The following ABCC8 variants were observed in gnomAD, a reference collection of about 807,000 sequenced individuals.
The protein encoded by ABCC8 is ATP-binding cassette sub-family C member 8.
Under a neutral mutation model 188.0 loss-of-function variants are expected in ABCC8, and 137 were observed. The ratio of observed to expected loss-of-function variants is 0.73; its 90% CI spans 0.63 to 0.84. The LOEUF (loss-of-function observed/expected upper bound fraction) is 0.84. Ranked by LOEUF, ABCC8 falls within the 40% of genes least tolerant of loss-of-function variation. The pLI is 0.00. For synonymous variants in ABCC8, 797 were observed against 846.5 expected, an observed-to-expected ratio of 0.94 and a Z score of 1.01; for missense variants, 1,750 against 2,072.7, an observed-to-expected ratio of 0.84 and a Z score of 3.02.
At chr11:17,400,155 C>A (rs551846067) in intron 29 of ABCC8, among the ~76,000 whole-genome samples, 1 of 152,136 alleles carries the variant, frequency 6.6e-6, no homozygotes, top group African/African-American at 2.4e-5. Flanking sequence ...ATTGTCTCTG[C>A]GTGGAGAGAG....
intron 36 of ABCC8, 104 bp from the exon 37 acceptor site, chr11:17,394,503 G>A: frequency 6.4e-7 from 1 of 1,571,832 alleles, no homozygotes. Flanking sequence ...GTGCATGGGG[G>A]CAAATAGGTG....
rs761070291 is a variant in ABCC8 at position 17,427,133 on chromosome 11, C to A, written c.2138G>T (p.Gly713Val). ...CGAGGACTTGCCGCAGCCCACCTGC[C>A]CCACGATCATAGTCAGCTGGCCTGC... ...IPRGQLTMIV[G>V]QVGCGKSSLL... The change falls in exon 16 of 39, where the codon GGG becomes GTG. Residue 713 changes from glycine to valine, a missense_variant. Coordinates refer to ENST00000389817, the MANE Select transcript of ABCC8 (RefSeq NM_000352.6). The surrounding 1 kb of genome is among the most constrained non-coding windows in gnomAD (Gnocchi z 5.0). The A allele has an allele frequency of 1.2e-6, 2 of 1,613,418 alleles. No homozygotes were observed. Among genetic ancestry groups the A allele is most frequent in the Non-Finnish European group, 1.7e-6 (2 of 1,179,736 alleles).
chr11:17,459,555 A>C (rs1403058481), intron 6 of ABCC8, among the ~76,000 whole-genome samples: 1 of 152,222 alleles, frequency 6.6e-6, no homozygotes, highest in African/African-American at 2.4e-5. Context: ...AATGTTACGC[A>C]AAGGGTGTCA....
At chr11:17,458,465 AC>A (rs1957073860) in intron 6 of ABCC8, among the ~76,000 whole-genome samples, 1 of 152,266 alleles carries the variant, frequency 6.6e-6, no homozygotes, top group Non-Finnish European at 1.5e-5. Flanking sequence ...TTTGGGAAAC[AC>A]AGGAAGAAGA....
Position 17,476,690 on chromosome 11 carries a change from G to A in ABCC8, c.87C>T (p.Asp29=), listed in dbSNP as rs1166883099. The change falls in exon 1 of 39, where the codon GAC becomes GAT. Residue 29 remains aspartate (D), a synonymous_variant. Transcript: ENST00000389817. ...AGACGTGCGGCACCACGTTGAGCGC[G>A]TCCACAAAGCAGCCGTTGTTGAGGA... The part of the protein sequence containing the change: ...QGVLNNGCFV[D]ALNVVPHVFL... The A allele has an allele frequency of 2.5e-6, 4 of 1,611,522 alleles. No individual in the cohort carries two copies. The highest frequency in any genetic ancestry group is 3.4e-6 in the Non-Finnish European group (4 of 1,179,216).
In ABCC8 at chr11:17,470,112, T is replaced by C. The variant is rs762524562; in HGVS notation, c.401A>G (p.Lys134Arg). 21 of 1,613,998 alleles carry C rather than the reference T, an allele frequency of 1.3e-5. No homozygotes were observed. Among genetic ancestry groups the C allele is most frequent in the Non-Finnish European group, 1.7e-5 (20 of 1,180,042 alleles). ...TACACCTCACCTACCAATTAGCAGC[T>C]TGGGGAAGTTGGAAGTCTCGATGTT... ...YHNIETSNFPKLLIALLVYWT... is the reference protein window; with the variant it reads ...YHNIETSNFPRLLIALLVYWT... Residue 134 changes from lysine (K) to arginine (R), a missense_variant, in exon 3 of 39, where the codon AAG becomes AGG. Physicochemically the swap from Lys to Arg is conservative, Grantham distance 26 (BLOSUM62 2). Coordinates refer to ENST00000389817, the MANE Select transcript of ABCC8 (RefSeq NM_000352.6).
chr11:17,414,372 G>T, intron 19 of ABCC8, 140 bp downstream of exon 19: 1 of 1,214,166 alleles, frequency 8.2e-7, no homozygotes, highest in Non-Finnish European at 1.2e-6. Flanking sequence ...GCACCATATG[G>T]AGAGGCTGGA....
At position 17,394,385 on chromosome 11, in the gene ABCC8, C is replaced by G. The variant is rs917927477; in HGVS notation, c.4426G>C (p.Glu1476Gln). Residue 1476 changes from glutamate (E) to glutamine (Q), a missense_variant, in exon 37 of 39, where the codon GAA becomes CAA. Glu to Gln is a conservative substitution (Grantham distance 29). Transcript: ENST00000389817. ...LPGGLDAIIT[E>Q]GGENFSQGQR... Reference sequence around the variant, plus strand: ...CCCTGGCTGAAATTCTCCCCGCCTTCTGTGATGATGGCATCTGAAAACAGC... The same window carrying G: ...CCCTGGCTGAAATTCTCCCCGCCTTGTGTGATGATGGCATCTGAAAACAGC... 2.5e-6 allele frequency: 4 copies of G among 1,614,224 alleles called. No homozygotes were observed. The highest frequency in any genetic ancestry group is 3.4e-6 in the Non-Finnish European group (4 of 1,180,052).
intron 3 of ABCC8, among the ~76,000 whole-genome samples, chr11:17,467,042 CCACACACA>C (rs569546580): frequency 4.2e-4 from 56 of 132,386 alleles, no homozygotes; most frequent in South Asian, 2.2e-3. Flanking sequence ...ACATGTTAAA[CCACACACA>C]CACACACACA....
intron 10 of ABCC8, among the ~76,000 whole-genome samples, chr11:17,432,823 C>T (rs1219120391): frequency 6.6e-6 from 1 of 152,142 alleles, no homozygotes; most frequent in African/African-American, 2.4e-5. Context: ...TTCTGTTAAA[C>T]ATGTGGCCTT....
chr11:17,425,087 A>G (rs1333675077), intron 16 of ABCC8, among the ~76,000 whole-genome samples: 1 of 152,168 alleles, frequency 6.6e-6, no homozygotes, highest in Non-Finnish European at 1.5e-5. Context: ...CCTCCCTCCA[A>G]AGGCTGGAGA....
chr11:17,399,294 A>AC (rs1418992733), intron 29 of ABCC8, among the ~76,000 whole-genome samples: 5,333 of 118,580 alleles, frequency 0.045, 611 homozygotes, highest in African/African-American at 0.18. Context: ...AAAAAAAAAA[A>AC]AAAAAAAAAA....
At chr11:17,438,060 C>T (rs1272140260) in intron 10 of ABCC8, among the ~76,000 whole-genome samples, 1 of 152,218 alleles carries the variant, frequency 6.6e-6, no homozygotes, top group East Asian at 1.9e-4. Context: ...TGAGATCGCG[C>T]CACTGCACTC....
At chr11:17,409,993 C>G (rs2133458806) in intron 22 of ABCC8, among the ~76,000 whole-genome samples, 1 of 152,166 alleles carries the variant, frequency 6.6e-6, no homozygotes, top group African/African-American at 2.4e-5. Context: ...CTCAAGTGAT[C>G]CTCTTGTCCT....
Position 17,393,021 on chromosome 11 carries a change from G to A in ABCC8, c.4716C>T (p.Val1572=), listed in dbSNP as rs1312101353. ...TGTCTGCACGGACGAAGGAGGCGAA[G>A]ACGCTGTCCTTCCGGCTGAGCAGCT... ...PEKLLSRKDS[V]FASFVRADK Residue 1572 remains valine (V), a synonymous_variant, in exon 39 of 39, where the codon GTC becomes GTT. Transcript: ENST00000389817. 6.2e-7 allele frequency: 1 copy of A among 1,614,190 alleles called. No individual in the cohort carries two copies. The highest frequency in any genetic ancestry group is 8.5e-7 in the Non-Finnish European group (1 of 1,180,046).
At chr11:17,397,995 G>T in intron 30 of ABCC8, 198 bp from the exon 31 acceptor site, 4 of 659,168 alleles carry the variant, frequency 6.1e-6, no homozygotes, top group Non-Finnish European at 7.5e-6. Context: ...ACAAGCTCAT[G>T]CTCCCCTACC....
Position 17,406,135 on chromosome 11 carries a change from A to G in ABCC8, c.3329+487T>C, listed in dbSNP as rs369502401. Among the ~76,000 whole-genome samples the G allele has an allele frequency of 4.5e-4, 68 of 152,348 alleles. 1 individual carries two copies. In the South Asian group the frequency reaches 0.014, roughly 31 times the overall value. ...GTTTTTAAGCCAAGTTGGCCAACCA[A>G]TTGGGCAGGGACAACTTTAAACCTC... On this transcript the variant is annotated intron_variant, in intron 26 of 38. Coordinates refer to ENST00000389817, the MANE Select transcript of ABCC8 (RefSeq NM_000352.6).
intron 27 of ABCC8, 138 bp downstream of exon 27, chr11:17,405,356 T>C: frequency 7.3e-7 from 1 of 1,371,926 alleles, no homozygotes; most frequent in Non-Finnish European, 1.0e-6. Flanking sequence ...AGCAGCATTA[T>C]AATCGGATCG....
rs751181213 is a variant in ABCC8 at position 17,460,515 on chromosome 11, C to A, written c.984G>T (p.Gly328=). ...TGGGCTGGAAGACGTCGTTCTCCTT[C>A]CCAAGGTGGTCCACGATCCCAAAGA... ...LCIFGIVDHL[G]KENDVFQPKT... The change falls in exon 6 of 39, where the codon GGG becomes GGT. Residue 328 remains glycine, a synonymous_variant. Transcript: ENST00000389817. 9.3e-5 allele frequency: 150 copies of A among 1,614,032 alleles called. No individual in the cohort carries two copies. Among genetic ancestry groups the A allele is most frequent in the Non-Finnish European group, 1.2e-4 (138 of 1,180,054 alleles).
Sources: gnomAD v4.1 joint callset for allele counts (sites outside exome capture counted in the v4.1 genomes callset) on GRCh38, gnomAD v4.1.1 for gene constraint, Gnocchi (gnomAD v3.1) non-coding constraint, MANE v1.5 for transcripts, NCBI Gene and HGNC (gene_info 2026-07-23, HGNC 2026-07-21) for gene names.